Variants in NELL1 observed in about 807,000 individuals in gnomAD.
NELL1 encodes neural EGFL like 1, also known as protein kinase C-binding protein NELL1.
In NELL1, 76 loss-of-function variants were observed where a neutral mutation model predicts 107.4. The ratio of observed to expected loss-of-function variants is 0.71; its 90% CI spans 0.59 to 0.86. NELL1 has a LOEUF of 0.86. NELL1 is among the 40% of genes least tolerant of loss of function. The pLI is 0.00. For missense variants in NELL1, 1,024 were observed against 1,005.5 expected, an observed-to-expected ratio of 1.02 and a Z score of -0.25; for synonymous variants, 353 against 341.2, an observed-to-expected ratio of 1.03 and a Z score of -0.38.
At chr11:21,221,853 T>C (rs1362367755) in intron 13 of NELL1, among the ~76,000 whole-genome samples, 2 of 151,908 alleles carry the variant, frequency 1.3e-5, no homozygotes, top group African/African-American at 4.8e-5. Flanking sequence ...CCACCATACC[T>C]GGATAATTTT....
At chr11:21,088,154 T>A (rs1382267720) in intron 12 of NELL1, among the ~76,000 whole-genome samples, 3 of 151,674 alleles carry the variant, frequency 2.0e-5, no homozygotes, top group Admixed American at 6.6e-5. Context: ...TGTTCTAGAT[T>A]TTATGTACCT....
intron 15 of NELL1, among the ~76,000 whole-genome samples, chr11:21,479,033 G>T (rs920797499): frequency 3.3e-5 from 5 of 152,064 alleles, no homozygotes; most frequent in African/African-American, 7.2e-5. Flanking sequence ...AAAAGACAGG[G>T]TATAACAACT....
chr11:20,874,849 C>T (rs1352756200), intron 4 of NELL1, among the ~76,000 whole-genome samples: 1 of 152,206 alleles, frequency 6.6e-6, no homozygotes, highest in Non-Finnish European at 1.5e-5. Flanking sequence ...AAGTTCAATT[C>T]CTCTTCTACA....
intron 14 of NELL1, among the ~76,000 whole-genome samples, chr11:21,299,214 A>G (rs1174273690): frequency 3.9e-5 from 6 of 151,966 alleles, no homozygotes; most frequent in Non-Finnish European, 8.8e-5. Context: ...TTTCAGCTTT[A>G]TTAAGAAATC....
At chr11:21,404,113 C>G (rs1852171717) in intron 15 of NELL1, among the ~76,000 whole-genome samples, 1 of 147,084 alleles carries the variant, frequency 6.8e-6, no homozygotes, top group South Asian at 2.2e-4. Flanking sequence ...ACACATGTGA[C>G]AGTCAAGCAA....
chr11:21,541,724 T>C (rs890009195), intron 16 of NELL1, among the ~76,000 whole-genome samples: 5 of 152,076 alleles, frequency 3.3e-5, no homozygotes, highest in Non-Finnish European at 7.4e-5. Flanking sequence ...TAGAAAGATA[T>C]TTAACCTTTC....
chr11:21,375,983 C>G (rs1305121682), intron 15 of NELL1, among the ~76,000 whole-genome samples: 1 of 151,986 alleles, frequency 6.6e-6, no homozygotes, highest in Non-Finnish European at 1.5e-5. Flanking sequence ...AAGATTTTCT[C>G]CCATTCTGTA....
intron 7 of NELL1, among the ~76,000 whole-genome samples, chr11:20,926,610 A>G (rs1303014428): frequency 6.6e-6 from 1 of 152,194 alleles, no homozygotes; most frequent in Non-Finnish European, 1.5e-5. Flanking sequence ...TTCAAGCTTT[A>G]TAATCCCTTT....
intron 5 of NELL1, among the ~76,000 whole-genome samples, chr11:20,909,450 G>A (rs2134145142): frequency 6.6e-6 from 1 of 152,230 alleles, no homozygotes; most frequent in African/African-American, 2.4e-5. Flanking sequence ...TGCTGGTTCT[G>A]AGACATGCTT....
intron 13 of NELL1, among the ~76,000 whole-genome samples, chr11:21,205,497 C>T (rs1400471707): frequency 6.6e-6 from 1 of 152,184 alleles, no homozygotes; most frequent in African/African-American, 2.4e-5. Flanking sequence ...CCCAGGTGGA[C>T]TTCAGACCGC....
intron 12 of NELL1, among the ~76,000 whole-genome samples, chr11:20,986,940 G>T (rs933749004): frequency 2.6e-5 from 4 of 152,162 alleles, no homozygotes; most frequent in Admixed American, 2.6e-4. Flanking sequence ...AATTTCAACA[G>T]TCATAATATT....
chr11:21,277,353 C>T (rs1848890010), intron 14 of NELL1, among the ~76,000 whole-genome samples: 1 of 151,770 alleles, frequency 6.6e-6, no homozygotes, highest in African/African-American at 2.4e-5. Flanking sequence ...AATGAGATAC[C>T]ATCTCACACC....
intron 12 of NELL1, among the ~76,000 whole-genome samples, chr11:21,044,186 G>A (rs1853303174): frequency 6.6e-6 from 1 of 152,128 alleles, no homozygotes; most frequent in Non-Finnish European, 1.5e-5. Flanking sequence ...GGTGATAGAA[G>A]GTGCCTTTAG....
chr11:21,468,484 C>T (rs1854087722), intron 15 of NELL1, among the ~76,000 whole-genome samples: 4 of 151,854 alleles, frequency 2.6e-5, no homozygotes, highest in Admixed American at 2.6e-4. Context: ...TTATTGCATT[C>T]CCATTACAGT....
chr11:20,976,094 A>G (rs1248621189), intron 12 of NELL1, among the ~76,000 whole-genome samples: 1 of 135,410 alleles, frequency 7.4e-6, no homozygotes, highest in African/African-American at 2.8e-5. Context: ...CATTACATTT[A>G]TATATACACA....
chr11:21,211,754 G>T (rs112937591), intron 13 of NELL1, among the ~76,000 whole-genome samples: 1 of 152,126 alleles, frequency 6.6e-6, no homozygotes, highest in African/African-American at 2.4e-5. Context: ...GATTACAAGA[G>T]ATTAAGGGAG....
At chr11:21,165,368 C>T (rs1201421591) in intron 13 of NELL1, among the ~76,000 whole-genome samples, 3 of 152,152 alleles carry the variant, frequency 2.0e-5, no homozygotes, top group Admixed American at 6.5e-5. Flanking sequence ...TGTATCTAGT[C>T]TTCAACTCCC....
rs972547411 is a variant in NELL1, at chr11:20,886,610, T to C, written c.603+1070T>C. ...CTTTTTTATTTTTAAAAAATTAAGG[T>C]GTAATTCCGCATGTTCTCACTCACA... is the stretch of plus-strand genomic sequence containing the variant. On this transcript the variant is annotated intron_variant, in intron 5 of 19. Transcript: ENST00000357134. 2.0e-4 allele frequency among the ~76,000 whole-genome samples: 30 copies of C among 152,104 alleles called. 1 individual carries two copies. Among genetic ancestry groups the C allele is most frequent in the Admixed American group, 2.0e-3 (30 of 15,264 alleles).
chr11:20,813,974 T>TATAA (rs1197092139), intron 3 of NELL1, among the ~76,000 whole-genome samples: 2 of 151,442 alleles, frequency 1.3e-5, no homozygotes, highest in East Asian at 1.9e-4. Context: ...TTTTGTTATT[T>TATAA]ATAAATAAAT....
Sources: allele counts gnomAD v4.1 joint callset (sites outside exome capture counted in the v4.1 genomes callset), GRCh38; gene constraint gnomAD v4.1.1; transcripts MANE v1.5; gene names NCBI Gene and HGNC (gene_info 2026-07-23, HGNC 2026-07-21).